The following CNTRL variants were observed in gnomAD, a reference collection of about 807,000 sequenced individuals.
CNTRL encodes 110 kDa centrosomal protein.
In CNTRL, 233 loss-of-function variants were observed where a neutral mutation model predicts 303.7. That is an observed-to-expected ratio of 0.77 (90% CI 0.69 to 0.86). The LOEUF (loss-of-function observed/expected upper bound fraction) is 0.86, where lower values mean the gene tolerates loss of function less well. CNTRL is among the 40% of genes least tolerant of loss of function. The pLI is 0.00. For missense variants in CNTRL, 2,524 were observed against 2,650.6 expected, an observed-to-expected ratio of 0.95 and a Z score of 1.05; for synonymous variants, 900 against 922.2, an observed-to-expected ratio of 0.98 and a Z score of 0.44.
At chr9:121,175,309 C>G (rs1487395709) in intron 43 of CNTRL, 85 bp downstream of exon 43, 4 of 1,243,300 alleles carry the variant, frequency 3.2e-6, no homozygotes, top group Non-Finnish European at 4.6e-6. Context: ...CCCTACCGCC[C>G]AGGCTGGAGT....
chr9:121,146,012 G>A, intron 22 of CNTRL, 96 bp from the exon 23 acceptor site: 2 of 1,152,400 alleles, frequency 1.7e-6, no homozygotes, highest in South Asian at 3.5e-5. Context: ...TTGAGGAACT[G>A]ATAAAATTAA....
intron 22 of CNTRL, 151 bp downstream of exon 22, chr9:121,145,536 TC>T: frequency 1.3e-6 from 1 of 784,860 alleles, no homozygotes; most frequent in Non-Finnish European, 1.9e-6. Context: ...ATAAAATAAA[TC>T]AGATAATTTT....
intron 3 of CNTRL, among the ~76,000 whole-genome samples, chr9:121,089,200 T>C (rs980175663): frequency 1.3e-5 from 2 of 152,204 alleles, no homozygotes; most frequent in Non-Finnish European, 2.9e-5. Flanking sequence ...AGTTGGCATA[T>C]TGTTATTTCT....
chr9:121,128,815 T>A (rs2050688192), intron 14 of CNTRL, among the ~76,000 whole-genome samples: 1 of 152,232 alleles, frequency 6.6e-6, no homozygotes, highest in Non-Finnish European at 1.5e-5. Flanking sequence ...AATTAATTTT[T>A]GTATAAGGTG....
At chr9:121,138,411 G>A (rs546115601) in intron 15 of CNTRL, 134 bp from the exon 16 acceptor site, 5 of 869,666 alleles carry the variant, frequency 5.7e-6, no homozygotes, top group Non-Finnish European at 6.9e-6. Context: ...AAATTTGGGA[G>A]TACAAACATA....
intron 7 of CNTRL, among the ~76,000 whole-genome samples, chr9:121,103,500 A>G (rs1378199015): frequency 1.4e-4 from 22 of 152,230 alleles, no homozygotes; most frequent in Admixed American, 1.4e-3. Context: ...CAAGGACTTC[A>G]TGTCTAAAAC....
At chr9:121,101,692 GAC>G (rs1208181012) in intron 7 of CNTRL, among the ~76,000 whole-genome samples, 5 of 152,028 alleles carry the variant, frequency 3.3e-5, no homozygotes, top group Non-Finnish European at 4.4e-5. Context: ...GAATCAAATA[GAC>G]ACAATAAAAA....
At chr9:121,095,175 T>C (rs2048837425) in intron 5 of CNTRL, among the ~76,000 whole-genome samples, 157 bp downstream of exon 5, 1 of 152,220 alleles carries the variant, frequency 6.6e-6, no homozygotes, top group Non-Finnish European at 1.5e-5. Flanking sequence ...TCTTCACATA[T>C]GGTAGGTAAC....
At chr9:121,097,616 G>A (rs1255658191) in intron 6 of CNTRL, among the ~76,000 whole-genome samples, 1 of 152,160 alleles carries the variant, frequency 6.6e-6, no homozygotes, top group South Asian at 2.1e-4. Flanking sequence ...CCAACCCCAT[G>A]TTGTACAGCA....
intron 38 of CNTRL, among the ~76,000 whole-genome samples, chr9:121,168,662 C>CA (rs988869073): frequency 1.3e-5 from 2 of 152,058 alleles, no homozygotes; most frequent in Non-Finnish European, 2.9e-5. Context: ...TCTCAAGTGT[C>CA]AAAAAAATCA....
intron 6 of CNTRL, among the ~76,000 whole-genome samples, chr9:121,096,966 G>A (rs62578442): frequency 6.7e-6 from 1 of 149,342 alleles, no homozygotes; most frequent in Non-Finnish European, 1.5e-5. Context: ...AGAAAGTTCT[G>A]GGTTTTTTTT....
intron 14 of CNTRL, among the ~76,000 whole-genome samples, chr9:121,129,803 C>T (rs1014283508): frequency 2.0e-5 from 3 of 152,078 alleles, no homozygotes; most frequent in East Asian, 1.9e-4. Flanking sequence ...TTTTGAGATA[C>T]GTGCCATCAA....
intron 2 of CNTRL, among the ~76,000 whole-genome samples, chr9:121,086,864 G>A (rs1025817227): frequency 1.3e-5 from 2 of 152,032 alleles, no homozygotes; most frequent in Non-Finnish European, 1.5e-5. Flanking sequence ...TGTTGGCCAG[G>A]CTGGTCTCAA....
intron 20 of CNTRL, among the ~76,000 whole-genome samples, chr9:121,144,596 C>T (rs1041829607): frequency 3.3e-5 from 5 of 152,086 alleles, no homozygotes; most frequent in African/African-American, 9.7e-5. Context: ...TCATGGAAGA[C>T]GGTAGTAAAA....
chr9:121,097,491 C>A (rs767912859), intron 6 of CNTRL, among the ~76,000 whole-genome samples: 1 of 152,088 alleles, frequency 6.6e-6, no homozygotes, highest in African/African-American at 2.4e-5. Flanking sequence ...ATTCTTTAAG[C>A]CTTCACCAGT....
rs551844729 is a variant in CNTRL at position 121,084,737 on chromosome 9, G to A, written c.-31-3559G>A. Reference sequence around the variant, plus strand: ...TGTTTTGTATTTTTAGTAGAGACGGGGTTTCACCATGTTAGCCAGGATGGT... The same window carrying A: ...TGTTTTGTATTTTTAGTAGAGACGGAGTTTCACCATGTTAGCCAGGATGGT... On this transcript the variant is annotated intron_variant, in intron 2 of 43. Coordinates refer to ENST00000373855, the MANE Select transcript of CNTRL (RefSeq NM_007018.6). Among the ~76,000 whole-genome samples, 148 of 152,154 alleles carry A rather than the reference G, an allele frequency of 9.7e-4. 7 individuals are homozygous for A. Among genetic ancestry groups the A allele is most frequent in the Non-Finnish European group, 2.6e-4 (18 of 67,986 alleles).
chr9:121,150,664 T>G, intron 25 of CNTRL, 181 bp downstream of exon 25: 2 of 632,336 alleles, frequency 3.2e-6, no homozygotes, highest in Non-Finnish European at 5.4e-6. Flanking sequence ...AGCAGTGGCA[T>G]GTGCCTATAA....
chr9:121,157,349 G>A, intron 27 of CNTRL, 121 bp from the exon 28 acceptor site: 1 of 945,712 alleles, frequency 1.1e-6, no homozygotes, highest in Non-Finnish European at 1.6e-6. Flanking sequence ...TACAGTGAAT[G>A]GACATTTTTA....
Position 121,088,538 on chromosome 9 carries a change from A to G in CNTRL, c.212A>G (p.His71Arg), listed in dbSNP as rs201927709. Residue 71 changes from histidine (H) to arginine (R), a missense_variant, in exon 3 of 44, where the codon CAT becomes CGT. Coordinates refer to ENST00000373855, the MANE Select transcript of CNTRL (RefSeq NM_007018.6). ...AATATGCTTTTGGACTATCAAGACC[A>G]TAAAGGTATCACTTTTTAATCTAAG... ...ENNMLLDYQD[H>R]KGADSHAGVR... 173 of 1,593,428 alleles carry G rather than the reference A, an allele frequency of 1.1e-4. No individual in the cohort carries two copies. Among genetic ancestry groups the G allele is most frequent in the Non-Finnish European group, 1.5e-4 (170 of 1,162,480 alleles).
Sources: gnomAD v4.1 joint callset for allele counts (sites outside exome capture counted in the v4.1 genomes callset) on GRCh38, gnomAD v4.1.1 for gene constraint, MANE v1.5 for transcripts, NCBI Gene and HGNC (gene_info 2026-07-23, HGNC 2026-07-21) for gene names.